IRAK3: variants seen among roughly 807,000 people sequenced by gnomAD.
The protein encoded by IRAK3 is interleukin-1 receptor-associated kinase 3.
IRAK3 carries 57 observed loss-of-function variants against 56.6 expected under a neutral mutation model. That is an observed-to-expected ratio of 1.01 (90% CI 0.81 to 1.26). IRAK3 has a LOEUF of 1.26. IRAK3 is among the 50% of genes most tolerant of loss of function. IRAK3 has a pLI of 0.00. For missense variants in IRAK3, 703 were observed against 719.0 expected (o/e 0.98, Z 0.25); for synonymous variants, 258 against 255.7 (o/e 1.01, Z -0.09).
chr12:66,251,034 C>G lies in IRAK3; in HGVS notation c.*2863C>G, dbSNP rs1349815129. ...ATGTTTTTTGAGAAAAGGATCCTTT[C>G]TTTTCATTCTGTTATATTCATCCTA... On this transcript the variant is annotated 3_prime_UTR_variant, in exon 12 of 12. Coordinates refer to ENST00000261233, the MANE Select transcript of IRAK3 (RefSeq NM_007199.3). 2 of 152,172 alleles carry G rather than the reference C, an allele frequency of 1.3e-5. No homozygotes were observed. Among genetic ancestry groups the G allele is most frequent in the African/African-American group, 4.8e-5 (2 of 41,448 alleles). 9.4% of individuals were successfully genotyped at this position (152,172 alleles called of 1,614,324 possible). A position where few individuals can be genotyped will look rare whatever the true frequency, so the allele number is the denominator to read the frequency against.
rs1203416505 is a variant in IRAK3, at chr12:66,250,512, A to T, written c.*2341A>T. The T allele has an allele frequency of 6.6e-6, 1 of 152,236 alleles. No homozygotes were observed. Among genetic ancestry groups the T allele is most frequent in the Non-Finnish European group, 1.5e-5 (1 of 68,046 alleles). The allele number at this position is 152,236 out of a possible 1,614,324, so 9.4% of individuals were successfully genotyped here. On this transcript the variant is annotated 3_prime_UTR_variant, in exon 12 of 12. Coordinates refer to ENST00000261233, the MANE Select transcript of IRAK3 (RefSeq NM_007199.3). Reference sequence around the variant, plus strand: ...ACAGGCTTTATACAGGCCCTCGGTAAGCAGTTGGGAGAACCCATGCCCACC... The same window carrying T: ...ACAGGCTTTATACAGGCCCTCGGTATGCAGTTGGGAGAACCCATGCCCACC...
At chr12:66,201,239 C>G (rs1458100401) in intron 1 of IRAK3, among the ~76,000 whole-genome samples, 1 of 152,206 alleles carries the variant, frequency 6.6e-6, no homozygotes, top group Non-Finnish European at 1.5e-5. Context: ...ACAGGGGAGT[C>G]CTATCTCCTA....
Position 66,247,755 on chromosome 12 carries a change from T to TTA in IRAK3, c.1375_1376insTA (p.Ser459LeufsTer3). 1.9e-6 allele frequency: 3 copies of TTA among 1,614,198 alleles called. No individual in the cohort carries two copies. The highest frequency in any genetic ancestry group is 2.5e-6 in the Non-Finnish European group (3 of 1,180,006). Reference sequence around the variant, plus strand: ...GTATTTTGCTGAAGATCCTCCCACATCACTAAAGTCCTTCAGGTGTCCTTC... The same window carrying TTA: ...GTATTTTGCTGAAGATCCTCCCACATTACACTAAAGTCCTTCAGGTGTCCTTC... On this transcript the variant is annotated frameshift_variant, in exon 12 of 12. Coordinates refer to ENST00000261233, the MANE Select transcript of IRAK3 (RefSeq NM_007199.3). LOFTEE classifies it low-confidence loss of function (END_TRUNC).
intron 1 of IRAK3, among the ~76,000 whole-genome samples, chr12:66,203,057 A>G (rs2052524517): frequency 6.6e-6 from 1 of 152,142 alleles, no homozygotes; most frequent in African/African-American, 2.4e-5. Context: ...AAATAGAAAA[A>G]TCACCATTAA....
intron 5 of IRAK3, among the ~76,000 whole-genome samples, chr12:66,213,902 A>G (rs2052638737): frequency 6.6e-6 from 1 of 152,182 alleles, no homozygotes; most frequent in South Asian, 2.1e-4. Context: ...AAATGGGGAA[A>G]CCATCCAGCT....
chr12:66,243,087 C>T (rs1337151404), intron 8 of IRAK3, among the ~76,000 whole-genome samples: 8 of 152,020 alleles, frequency 5.3e-5, no homozygotes, highest in Non-Finnish European at 7.4e-5. Flanking sequence ...AAAAGACCAC[C>T]GGAAGTGCCT....
chr12:66,235,029 C>T (rs1435580896), intron 8 of IRAK3: 2 of 1,613,442 alleles, frequency 1.2e-6, no homozygotes, highest in East Asian at 4.5e-5. Context: ...TTTGTGGAGA[C>T]TATTTTCCCA....
At chr12:66,208,750 G>T (rs1332899301) in intron 2 of IRAK3, among the ~76,000 whole-genome samples, 1 of 146,524 alleles carries the variant, frequency 6.8e-6, no homozygotes, top group African/African-American at 2.5e-5. Context: ...GACAGAGCGA[G>T]ACTCTGTCTC....
rs2053076517 is a variant in IRAK3 at position 66,249,690 on chromosome 12, C to G, written c.*1519C>G. The G allele has an allele frequency of 6.6e-6, 1 of 152,648 alleles. No homozygotes were observed. The highest frequency in any genetic ancestry group is 1.5e-5 in the Non-Finnish European group (1 of 68,068). The allele number at this position is 152,648 out of a possible 1,614,324, so 9.5% of individuals were successfully genotyped here. ...CTTCTTTGGCTCATGGCCTCTTCCT[C>G]CGTCTTCAAAGCCAGCAACGTGACA... is the stretch of plus-strand genomic sequence containing the variant. On this transcript the variant is annotated 3_prime_UTR_variant, in exon 12 of 12. Transcript: ENST00000261233.
chr12:66,247,131 A>G (rs1359490709), intron 11 of IRAK3, among the ~76,000 whole-genome samples: 3 of 152,004 alleles, frequency 2.0e-5, no homozygotes, highest in Admixed American at 1.3e-4. Flanking sequence ...TTAGCTGGGC[A>G]TGGTGGCACG....
In IRAK3 at chr12:66,209,523, A is replaced by T. The variant is rs1293920883; in HGVS notation, c.381+3A>T. The T allele has an allele frequency of 2.6e-6, 4 of 1,543,062 alleles. No individual in the cohort carries two copies. The South Asian group carries it at 3.3e-5, about 13-fold the overall frequency. On this transcript the variant is annotated splice_donor_region_variant and intron_variant, in intron 3 of 11. Coordinates refer to ENST00000261233, the MANE Select transcript of IRAK3 (RefSeq NM_007199.3). ...GATTTCCAAATATATTATTCAAGGTAGAGTATGTGTGCATAGAAAATGAGC... is the reference window on the plus strand; with the variant it reads ...GATTTCCAAATATATTATTCAAGGTTGAGTATGTGTGCATAGAAAATGAGC...
chr12:66,226,249 T>A (rs1312934144), intron 6 of IRAK3, among the ~76,000 whole-genome samples: 2 of 152,080 alleles, frequency 1.3e-5, no homozygotes, highest in Non-Finnish European at 2.9e-5. Context: ...TTTTTTTTTT[T>A]TTCTTTTTTG....
At chr12:66,204,778 G>GCGCGCGCGCGCA (rs1026097833) in intron 2 of IRAK3, among the ~76,000 whole-genome samples, 5 of 147,812 alleles carry the variant, frequency 3.4e-5, no homozygotes, top group African/African-American at 1.2e-4. Flanking sequence ...GAGCCCTTGC[G>GCGCGCGCGCGCA]CACACACACA....
At chr12:66,244,803 A>G in intron 9 of IRAK3, 119 bp downstream of exon 9, 2 of 1,070,380 alleles carry the variant, frequency 1.9e-6, no homozygotes, top group Middle Eastern at 2.3e-4. Context: ...CTCATCTTAT[A>G]TATTAATTTT....
chr12:66,226,796 T>G lies in IRAK3; in HGVS notation c.727T>G (p.Tyr243Asp). ...TGAGAAGTTCTGTCTGATTTATCCATACATGAGAAATGGAACACTTTTTGA... is the reference window on the plus strand; with the variant it reads ...TGAGAAGTTCTGTCTGATTTATCCAGACATGAGAAATGGAACACTTTTTGA... ...ETEKFCLIYPYMRNGTLFDRL... is the reference protein window; with the variant it reads ...ETEKFCLIYPDMRNGTLFDRL... Residue 243 changes from tyrosine (Y) to aspartate (D), a missense_variant, in exon 7 of 12, where the codon TAC (tyrosine) becomes GAC (aspartate). Transcript: ENST00000261233. 6.2e-7 allele frequency: 1 copy of G among 1,608,266 alleles called. No individual in the cohort carries two copies. Among genetic ancestry groups the G allele is most frequent in the East Asian group, 2.2e-5 (1 of 44,854 alleles).
rs1156428906 is a variant in IRAK3, at chr12:66,249,535, T to C, written c.*1364T>C. On this transcript the variant is annotated 3_prime_UTR_variant, in exon 12 of 12. Transcript: ENST00000261233. ...TGTTTTTGTAACACATTATCACAAA[T>C]TTAGTGACTTAAAGTAACATAAATT... The C allele has an allele frequency of 6.6e-6, 1 of 152,230 alleles. No homozygotes were observed. Among genetic ancestry groups the C allele is most frequent in the Non-Finnish European group, 1.5e-5 (1 of 68,036 alleles). 9.4% of individuals were successfully genotyped at this position (152,230 alleles called of 1,614,324 possible). A position where few individuals can be genotyped will look rare whatever the true frequency, so the allele number is the denominator to read the frequency against.
chr12:66,219,415 C>G (rs1487657127), intron 6 of IRAK3, among the ~76,000 whole-genome samples: 9 of 152,214 alleles, frequency 5.9e-5, no homozygotes, highest in African/African-American at 1.4e-4. Flanking sequence ...ATGCTCTGTT[C>G]TTTTGTCTGC....
intron 1 of IRAK3, among the ~76,000 whole-genome samples, chr12:66,191,033 G>A (rs1270391322): frequency 6.6e-6 from 1 of 152,196 alleles, no homozygotes; most frequent in African/African-American, 2.4e-5. Flanking sequence ...ACAAACAAAA[G>A]CTATTTTTTT....
At chr12:66,192,894 C>T (rs1257686577) in intron 1 of IRAK3, among the ~76,000 whole-genome samples, 5 of 152,162 alleles carry the variant, frequency 3.3e-5, no homozygotes, top group African/African-American at 1.2e-4. Flanking sequence ...CCTTGAGTCA[C>T]AGTCTTCTAA....
Sources: gnomAD v4.1 joint callset for allele counts (sites outside exome capture counted in the v4.1 genomes callset) on GRCh38, gnomAD v4.1.1 for gene constraint, MANE v1.5 for transcripts, NCBI Gene and HGNC (gene_info 2026-07-23, HGNC 2026-07-21) for gene names.